Variants in ASTN2 observed in about 807,000 individuals in gnomAD.
ASTN2 encodes astrotactin 2, also known as astrotactin-2.
In ASTN2, 54 loss-of-function variants were observed where a neutral mutation model predicts 139.8. The ratio of observed to expected loss-of-function variants is 0.39; its 90% CI spans 0.31 to 0.48. The LOEUF (loss-of-function observed/expected upper bound fraction) is 0.48. ASTN2 is among the 20% of genes least tolerant of loss of function. The pLI, the probability that ASTN2 is intolerant of heterozygous loss-of-function variation, is 0.95. For missense variants in ASTN2, 1,565 were observed against 1,725.1 expected (o/e 0.91, Z 1.64); for synonymous variants, 756 against 719.5 (o/e 1.05, Z -0.81).
intron 10 of ASTN2, among the ~76,000 whole-genome samples, chr9:116,970,452 G>A (rs1332895508): frequency 2.0e-5 from 3 of 152,142 alleles, no homozygotes; most frequent in Non-Finnish European, 1.5e-5. Flanking sequence ...CCTCCAGGTG[G>A]GTTTGACCAC....
intron 1 of ASTN2, among the ~76,000 whole-genome samples, chr9:117,299,610 C>A (rs1439679898): frequency 6.6e-6 from 1 of 152,146 alleles, no homozygotes; most frequent in Non-Finnish European, 1.5e-5. Context: ...AACGCAGAAG[C>A]CACCATTATA....
At chr9:116,851,685 G>A (rs1297553697) in intron 11 of ASTN2, among the ~76,000 whole-genome samples, 1 of 149,884 alleles carries the variant, frequency 6.7e-6, no homozygotes, top group African/African-American at 2.5e-5. Flanking sequence ...AAAAAAACAC[G>A]TTTTAGTTGA....
chr9:116,509,416 CA>C (rs1850265158), intron 19 of ASTN2, among the ~76,000 whole-genome samples: 1 of 152,110 alleles, frequency 6.6e-6, no homozygotes, highest in Non-Finnish European at 1.5e-5. Context: ...CATTGATGGA[CA>C]TTTGGGTTGG....
chr9:116,905,756 T>C (rs1012235711), intron 10 of ASTN2, among the ~76,000 whole-genome samples: 2 of 151,976 alleles, frequency 1.3e-5, no homozygotes, highest in Non-Finnish European at 2.9e-5. Context: ...TTACTGAATT[T>C]CCTTGGAAGA....
At chr9:116,576,995 GCCAGGAGCT>G (rs1853750359) in intron 19 of ASTN2, among the ~76,000 whole-genome samples, 1 of 152,170 alleles carries the variant, frequency 6.6e-6, no homozygotes, top group African/African-American at 2.4e-5. Context: ...CTTCCTGTGT[GCCAGGAGCT>G]CTGCTAAGGA....
intron 2 of ASTN2, among the ~76,000 whole-genome samples, chr9:117,228,525 G>A (rs1478244890): frequency 6.6e-6 from 1 of 151,292 alleles, no homozygotes; most frequent in Admixed American, 6.6e-5. Flanking sequence ...TTAGTTACTA[G>A]GGGCAGAGAG....
chr9:116,615,529 G>A (rs1411796984), intron 19 of ASTN2, among the ~76,000 whole-genome samples: 1 of 152,156 alleles, frequency 6.6e-6, no homozygotes, highest in Non-Finnish European at 1.5e-5. Flanking sequence ...TATACACCAT[G>A]AAATACTATG....
chr9:117,304,631 G>A (rs1802586367), intron 1 of ASTN2, among the ~76,000 whole-genome samples: 1 of 152,202 alleles, frequency 6.6e-6, no homozygotes, highest in South Asian at 2.1e-4. Flanking sequence ...CAGGAGTGTA[G>A]TCTGCCTCTA....
intron 4 of ASTN2, among the ~76,000 whole-genome samples, chr9:117,129,777 A>G (rs1229936122): frequency 1.3e-5 from 2 of 152,014 alleles, no homozygotes; most frequent in Non-Finnish European, 2.9e-5. Flanking sequence ...CTCCCAGTAA[A>G]TGGTTTCTTT....
At chr9:116,786,895 C>T (rs1008831466) in intron 13 of ASTN2, among the ~76,000 whole-genome samples, 11 of 152,222 alleles carry the variant, frequency 7.2e-5, no homozygotes, top group Admixed American at 3.9e-4. Context: ...CCATTTCCCC[C>T]ATCCTGTTCT....
At chr9:116,621,116 A>G (rs1256042937) in intron 17 of ASTN2, among the ~76,000 whole-genome samples, 1 of 152,142 alleles carries the variant, frequency 6.6e-6, no homozygotes, top group Non-Finnish European at 1.5e-5. Context: ...TTTATATAAA[A>G]TGTGCTCTAA....
At chr9:116,843,384 G>A (rs750244048) in intron 11 of ASTN2, among the ~76,000 whole-genome samples, 7 of 152,150 alleles carry the variant, frequency 4.6e-5, no homozygotes, top group Non-Finnish European at 7.4e-5. Flanking sequence ...TAGGACGGGC[G>A]TGGTGGCTCA....
At position 117,211,480 on chromosome 9, in the gene ASTN2, G is replaced by GCT. The variant is rs370974694; in HGVS notation, c.1015+2876_1015+2877dup. ...AAAAGTGTTTAGCACTTCTCCCATT[G>GCT]CTCTCTCTCTCTCCTGCTGTGCCAT... On this transcript the variant is annotated intron_variant, in intron 3 of 22. Transcript: ENST00000313400. Among the ~76,000 whole-genome samples, 359 of 151,928 alleles carry GCT rather than the reference G, an allele frequency of 2.4e-3. 2 individuals carry two copies. Among genetic ancestry groups the GCT allele is most frequent in the African/African-American group, 8.3e-3 (343 of 41,422 alleles).
rs1157888361 is a variant in ASTN2 at position 117,414,619 on chromosome 9, G to A, written c.320C>T (p.Ser107Phe). 6.7e-7 allele frequency: 1 copy of A among 1,498,734 alleles called. No individual in the cohort carries two copies. The highest frequency in any genetic ancestry group is 8.8e-7 in the Non-Finnish European group (1 of 1,131,164). 92.8% of individuals were successfully genotyped at this position (1,498,734 alleles called of 1,614,324 possible). A position where few individuals can be genotyped will look rare whatever the true frequency, so the allele number is the denominator to read the frequency against. The change falls in exon 1 of 23, where the codon TCT becomes TTT. Residue 107 changes from serine to phenylalanine, a missense_variant. By Grantham distance (155) the Ser-to-Phe change is radical. Coordinates refer to ENST00000313400, the MANE Select transcript of ASTN2 (RefSeq NM_001365068.1). The surrounding 1 kb of genome is among the most constrained non-coding windows in gnomAD (Gnocchi z 4.2). ...GAAAAAASPG[S>F]PGSAGTAAES... is the part of the protein sequence containing the mutation. ...GGCGGCGGTGCCGGCAGAGCCAGGAGAGCCCGGGGACGCGGCGGCGGCGGC... is the reference window on the plus strand; with the variant it reads ...GGCGGCGGTGCCGGCAGAGCCAGGAAAGCCCGGGGACGCGGCGGCGGCGGC...
chr9:116,596,908 G>A (rs999262465), intron 19 of ASTN2, among the ~76,000 whole-genome samples: 1 of 152,006 alleles, frequency 6.6e-6, no homozygotes, highest in African/African-American at 2.4e-5. Flanking sequence ...GCAGAGGGAG[G>A]TAGATGTGAA....
intron 13 of ASTN2, among the ~76,000 whole-genome samples, chr9:116,789,053 T>C (rs1830457212): frequency 6.6e-6 from 1 of 152,172 alleles, no homozygotes; most frequent in East Asian, 1.9e-4. Context: ...GTCTCTGGGC[T>C]TGTTTATTCC....
chr9:117,219,109 G>T (rs1048463170), intron 2 of ASTN2, among the ~76,000 whole-genome samples: 3 of 152,182 alleles, frequency 2.0e-5, no homozygotes, highest in Non-Finnish European at 4.4e-5. Flanking sequence ...CCATCTGGCT[G>T]CTTCTGTCAT....
intron 13 of ASTN2, among the ~76,000 whole-genome samples, chr9:116,797,211 C>T (rs1051204602): frequency 3.9e-5 from 6 of 152,144 alleles, no homozygotes; most frequent in Admixed American, 3.9e-4. Context: ...ATATACTTAT[C>T]TCCAAACTAA....
At chr9:117,129,402 G>A (rs1439563028) in intron 4 of ASTN2, among the ~76,000 whole-genome samples, 4 of 152,080 alleles carry the variant, frequency 2.6e-5, no homozygotes, top group African/African-American at 7.2e-5. Context: ...AGCCCTAAAT[G>A]TTGCAGAGTC....
Sources: allele counts gnomAD v4.1 joint callset (sites outside exome capture counted in the v4.1 genomes callset), GRCh38; gene constraint gnomAD v4.1.1; non-coding constraint Gnocchi (gnomAD v3.1); transcripts MANE v1.5; gene names NCBI Gene and HGNC (gene_info 2026-07-23, HGNC 2026-07-21).